Variants in COL6A5 observed in about 807,000 individuals in gnomAD.
The protein encoded by COL6A5 is collagen alpha-5(VI) chain.
In COL6A5, 48 loss-of-function variants were observed where a neutral mutation model predicts 65.6. The ratio of observed to expected loss-of-function variants is 0.73; its 90% confidence interval spans 0.58 to 0.93. COL6A5 has a LOEUF of 0.93. Among genes scored for constraint, COL6A5 ranks in the 40% least tolerant of loss-of-function variants. COL6A5 has a pLI of 0.00. For missense variants in COL6A5, 914 were observed against 928.3 expected, an observed-to-expected ratio of 0.98 and a Z score of 0.20; for synonymous variants, 291 against 322.8, an observed-to-expected ratio of 0.90 and a Z score of 1.05.
intron 4 of COL6A5, 113 bp from the exon 37 acceptor site, chr3:130,455,342 C>A: frequency 3.2e-6 from 2 of 623,748 alleles, no homozygotes; most frequent in South Asian, 4.2e-5. Flanking sequence ...TATATTTTCA[C>A]CACCCAATTG....
chr3:130,399,402 G>C (rs1001646298), intron 10 of COL6A5, among the ~76,000 whole-genome samples: 1 of 136,712 alleles, frequency 7.3e-6, no homozygotes, highest in Non-Finnish European at 1.5e-5. Context: ...ACAAAGTCTC[G>C]CTCTGTCACC....
At chr3:130,451,518 TG>T (rs528191848) in intron 4 of COL6A5, among the ~76,000 whole-genome samples, 145 of 152,008 alleles carry the variant, frequency 9.5e-4, no homozygotes, top group African/African-American at 3.3e-3. Context: ...CTGAAGTGGA[TG>T]GGGGAGGGCC....
rs1412240693 is a variant in COL6A5, at chr3:130,401,176, G to C, written c.4134+3G>C. 1 of 1,533,214 alleles carries C rather than the reference G, an allele frequency of 6.5e-7. No individual in the cohort carries two copies. The highest frequency in any genetic ancestry group is 1.2e-5 in the South Asian group (1 of 80,060). The allele number at this position is 1,533,214 out of a possible 1,614,324, so 95.0% of individuals were successfully genotyped here. On this transcript the variant is annotated splice_donor_region_variant and intron_variant and NMD_transcript_variant, in intron 11 of 41. Transcript: ENST00000312481. ...GCAAAAAACTATCACAGTACCTGGT[G>C]AGTTGTTGAACAAAATCCCCGGTTG...
chr3:130,451,900 C>A (rs919762606), intron 4 of COL6A5, among the ~76,000 whole-genome samples: 2 of 152,080 alleles, frequency 1.3e-5, no homozygotes, highest in Non-Finnish European at 2.9e-5. Context: ...ACAGCAGGTA[C>A]CAAGGCCCAG....
At chr3:130,453,750 T>C (rs1482104617) in intron 4 of COL6A5, among the ~76,000 whole-genome samples, 1 of 152,098 alleles carries the variant, frequency 6.6e-6, no homozygotes, top group Non-Finnish European at 1.5e-5. Context: ...TTTAGGCCCA[T>C]AATCACCCCA....
exon 4 of COL6A5, chr3:130,379,574 G>A (rs921953985): frequency 1.3e-6 from 2 of 1,551,414 alleles, no homozygotes; most frequent in Non-Finnish European, 1.7e-6. Context: ...ATGCGACTTG[G>A]ACTGATGAGT....
intron 1 of COL6A5, among the ~76,000 whole-genome samples, chr3:130,360,380 T>G (rs754783841): frequency 6.6e-6 from 1 of 152,128 alleles, no homozygotes; most frequent in Non-Finnish European, 1.5e-5. Flanking sequence ...ATTCTTCAAA[T>G]TCATATTATG....
chr3:130,357,531 T>C (rs1934964753), intron 1 of COL6A5, among the ~76,000 whole-genome samples: 1 of 152,206 alleles, frequency 6.6e-6, no homozygotes, highest in Non-Finnish European at 1.5e-5. Flanking sequence ...TTCTCACCTT[T>C]GAACAATAAT....
At chr3:130,396,460 C>T (rs1272119731) in intron 8 of COL6A5, among the ~76,000 whole-genome samples, 1 of 152,248 alleles carries the variant, frequency 6.6e-6, no homozygotes, top group Non-Finnish European at 1.5e-5. Context: ...AACCTCCACA[C>T]ACGACTGTTT....
chr3:130,479,290 A>T (rs935859427), intron 7 of COL6A5, among the ~76,000 whole-genome samples: 9 of 152,084 alleles, frequency 5.9e-5, no homozygotes, highest in Non-Finnish European at 1.2e-4. Flanking sequence ...CAGTGCATTG[A>T]TCATAAGCTT....
At chr3:130,467,617 T>TATAA (rs1709847879) in intron 5 of COL6A5, among the ~76,000 whole-genome samples, 1 of 152,020 alleles carries the variant, frequency 6.6e-6, no homozygotes, top group Non-Finnish European at 1.5e-5. Context: ...AATATGGAAT[T>TATAA]TATACTGGAA....
chr3:130,345,734 G>C (rs1934437135), exon 1 of COL6A5: 3 of 398,626 alleles, frequency 7.5e-6, no homozygotes, highest in Admixed American at 8.8e-5. Context: ...CAAGGGCACG[G>C]GTCAGCGCCG....
At chr3:130,446,167 C>T (rs939920886) in intron 4 of COL6A5, among the ~76,000 whole-genome samples, 1 of 152,092 alleles carries the variant, frequency 6.6e-6, no homozygotes, top group African/African-American at 2.4e-5. Context: ...CCCATGGTAA[C>T]ATTAAATGCA....
At chr3:130,374,159 G>A (rs1195578867) in intron 2 of COL6A5, among the ~76,000 whole-genome samples, 2 of 152,054 alleles carry the variant, frequency 1.3e-5, no homozygotes, top group African/African-American at 4.8e-5. Flanking sequence ...TTAACAATGG[G>A]TGTACTTCCT....
intron 5 of COL6A5, among the ~76,000 whole-genome samples, chr3:130,461,942 GA>G (rs1327451063): frequency 1.3e-5 from 2 of 151,802 alleles, no homozygotes; most frequent in Non-Finnish European, 2.9e-5. Context: ...TTCAGAGTGT[GA>G]AATGACCCAC....
intron 6 of COL6A5, among the ~76,000 whole-genome samples, chr3:130,390,219 G>A (rs1936346242): frequency 6.6e-6 from 1 of 152,026 alleles, no homozygotes; most frequent in Non-Finnish European, 1.5e-5. Context: ...TAAATGTGGA[G>A]GCCCTGTCTA....
chr3:130,435,882 C>CAG (rs34050653), intron 1 of COL6A5, among the ~76,000 whole-genome samples: 129,004 of 151,986 alleles, frequency 0.85, 55,796 homozygotes, highest in Non-Finnish European at 0.93. Flanking sequence ...TGTCTGCAAA[C>CAG]AGACAACTTG....
intron 5 of COL6A5, among the ~76,000 whole-genome samples, chr3:130,456,142 C>A (rs1433519024): frequency 1.3e-5 from 2 of 151,988 alleles, no homozygotes; most frequent in African/African-American, 4.8e-5. Context: ...GGCCAGTGTT[C>A]CAGAATTTGT....
intron 7 of COL6A5, among the ~76,000 whole-genome samples, chr3:130,482,241 T>A (rs1028374686): frequency 1.3e-5 from 2 of 152,132 alleles, no homozygotes; most frequent in African/African-American, 2.4e-5. Context: ...AAGGAAAGGG[T>A]CCAGTTTCAG....
Sources: allele counts gnomAD v4.1 joint callset (sites outside exome capture counted in the v4.1 genomes callset), GRCh38; gene constraint gnomAD v4.1.1; transcripts MANE v1.5; gene names NCBI Gene and HGNC (gene_info 2026-07-23, HGNC 2026-07-21).